TANK: variants seen among roughly 807,000 people sequenced by gnomAD.
The protein encoded by TANK is TRAF family member-associated NF-kappa-B activator.
In TANK, 15 loss-of-function variants were observed where a neutral mutation model predicts 43.6. The ratio of observed to expected loss-of-function variants is 0.34; its 90% CI spans 0.23 to 0.53. The LOEUF (loss-of-function observed/expected upper bound fraction) is 0.53, where lower values mean the gene tolerates loss of function less well. Among genes scored for constraint, TANK ranks in the 20% least tolerant of loss-of-function variants. The probability of loss-of-function intolerance (pLI) is 0.94; values close to 1 mark genes in which losing one functional copy is unlikely to be tolerated. For missense variants in TANK, 417 were observed against 498.6 expected, an observed-to-expected ratio of 0.84 and a Z score of 1.56; for synonymous variants, 162 against 178.2, an observed-to-expected ratio of 0.91 and a Z score of 0.73.
chr2:161,233,627 C>T (rs1574080628), intron 7 of TANK, among the ~76,000 whole-genome samples: 1 of 151,700 alleles, frequency 6.6e-6, no homozygotes, highest in East Asian at 1.9e-4. Context: ...GAGTGGGATC[C>T]CAACTAAATT....
chr2:161,142,959 T>C (rs1683795246), intron 1 of TANK, among the ~76,000 whole-genome samples: 1 of 152,330 alleles, frequency 6.6e-6, no homozygotes, highest in East Asian at 1.9e-4. Context: ...TCCATGAGCA[T>C]GGAATGTTTT....
chr2:161,151,439 T>G (rs1044507702), intron 1 of TANK, among the ~76,000 whole-genome samples: 1 of 152,154 alleles, frequency 6.6e-6, no homozygotes, highest in African/African-American at 2.4e-5. Context: ...TTCATATATT[T>G]TTGGGCCCTG....
upstream of TANK, among the ~76,000 whole-genome samples, chr2:161,159,765 G>T (rs1017454482): frequency 6.6e-6 from 1 of 152,202 alleles, no homozygotes; most frequent in Non-Finnish European, 1.5e-5. Context: ...TAATATTCAT[G>T]CATGGCTAGG....
chr2:161,204,836 C>G (rs78752047), intron 4 of TANK, 43 bp downstream of exon 4: 2 of 1,587,410 alleles, frequency 1.3e-6, no homozygotes, highest in Non-Finnish European at 1.7e-6. Context: ...AATGCTGATG[C>G]GTGACATAGC....
intron 7 of TANK, among the ~76,000 whole-genome samples, chr2:161,234,994 A>G (rs996429541): frequency 2.0e-5 from 3 of 152,216 alleles, no homozygotes; most frequent in Non-Finnish European, 4.4e-5. Context: ...AAAACAAAAG[A>G]TAGAATTTAA....
intron 2 of TANK, among the ~76,000 whole-genome samples, chr2:161,191,475 C>T (rs978678524): frequency 6.6e-6 from 1 of 152,136 alleles, no homozygotes; most frequent in Non-Finnish European, 1.5e-5. Flanking sequence ...ATCTTCATCA[C>T]TAAGATTTGT....
chr2:161,142,254 A>T (rs28806182), intron 1 of TANK, among the ~76,000 whole-genome samples: 1 of 151,778 alleles, frequency 6.6e-6, no homozygotes, highest in Admixed American at 6.6e-5. Flanking sequence ...GATTGCAAAA[A>T]TTTTCTCCCA....
At chr2:161,173,786 T>C (rs2105281497) in intron 1 of TANK, among the ~76,000 whole-genome samples, 1 of 152,258 alleles carries the variant, frequency 6.6e-6, no homozygotes, top group Non-Finnish European at 1.5e-5. Context: ...CTATTGTGTG[T>C]TCAACACTGA....
intron 2 of TANK, among the ~76,000 whole-genome samples, chr2:161,192,210 T>C (rs1283369433): frequency 6.6e-6 from 1 of 152,240 alleles, no homozygotes; most frequent in African/African-American, 2.4e-5. Flanking sequence ...TACCCATTTG[T>C]ATCACTGCTA....
chr2:161,187,736 CAT>C (rs1476888551), intron 2 of TANK, among the ~76,000 whole-genome samples: 1 of 152,094 alleles, frequency 6.6e-6, no homozygotes, highest in Non-Finnish European at 1.5e-5. Context: ...ACCTAACAGA[CAT>C]ATGTAAAAAC....
intron 6 of TANK, 116 bp downstream of exon 6, chr2:161,224,862 CT>C (rs1574065105): frequency 3.5e-6 from 2 of 573,474 alleles, no homozygotes; most frequent in Non-Finnish European, 6.1e-6. Context: ...TAATTTACCC[CT>C]CATCCACGTA....
intron 1 of TANK, among the ~76,000 whole-genome samples, chr2:161,168,487 A>C (rs1371558005): frequency 6.6e-6 from 1 of 152,182 alleles, no homozygotes; most frequent in Non-Finnish European, 1.5e-5. Context: ...CTGAAATTTC[A>C]GAATCCTAGG....
At chr2:161,235,191 T>C (rs1400390482) in intron 7 of TANK, 151 bp from the exon 8 acceptor site, 6 of 584,502 alleles carry the variant, frequency 1.0e-5, no homozygotes, top group Admixed American at 3.5e-5. Flanking sequence ...TTGAGTCATG[T>C]CATGCTAACT....
At chr2:161,189,434 C>A (rs185797794) in intron 2 of TANK, among the ~76,000 whole-genome samples, 12 of 152,266 alleles carry the variant, frequency 7.9e-5, no homozygotes, top group African/African-American at 2.9e-4. Flanking sequence ...GAAAAACCCA[C>A]AACTAGCATC....
At chr2:161,163,639 C>T (rs898048751) in intron 1 of TANK, 3 of 152,074 alleles carry the variant, frequency 2.0e-5, no homozygotes, top group Non-Finnish European at 2.9e-5. Flanking sequence ...CCAATTTTGC[C>T]GGGAAATTTC....
At chr2:161,200,487 G>A in intron 2 of TANK, 1 of 971,802 alleles carries the variant, frequency 1.0e-6, no homozygotes, top group African/African-American at 1.8e-5. Flanking sequence ...TTCCCAGTTT[G>A]ATGTAATATT....
chr2:161,152,933 AG>A (rs1684119521), intron 1 of TANK, among the ~76,000 whole-genome samples: 1 of 152,176 alleles, frequency 6.6e-6, no homozygotes. Flanking sequence ...AACTTGAATA[AG>A]CTGGTTCAGA....
At chr2:161,180,103 A>G (rs2105296025) in intron 2 of TANK, 1 of 1,006,730 alleles carries the variant, frequency 9.9e-7, no homozygotes, top group Non-Finnish European at 1.2e-6. Flanking sequence ...CACTGTCTCC[A>G]TTTGTTTGGT....
chr2:161,166,993 C>T (rs1684712420), intron 1 of TANK, among the ~76,000 whole-genome samples: 1 of 152,158 alleles, frequency 6.6e-6, no homozygotes, highest in Non-Finnish European at 1.5e-5. Flanking sequence ...AAGGTGGTTT[C>T]CTTTCCCCAT....
Sources: allele counts gnomAD v4.1 joint callset (sites outside exome capture counted in the v4.1 genomes callset), GRCh38; gene constraint gnomAD v4.1.1; transcripts MANE v1.5; gene names NCBI Gene and HGNC (gene_info 2026-07-23, HGNC 2026-07-21).